STARD3NL: variants seen among roughly 807,000 people sequenced by gnomAD.
STARD3NL encodes the protein STARD3 N-terminal-like protein.
STARD3NL carries 17 observed loss-of-function variants against 30.9 expected under a neutral mutation model. The ratio of observed to expected loss-of-function variants is 0.55; its 90% CI spans 0.38 to 0.82. The LOEUF is 0.82. Among genes scored for constraint, STARD3NL ranks in the 40% least tolerant of loss-of-function variants. The pLI is 0.00. For missense variants in STARD3NL, 234 were observed against 277.6 expected, an observed-to-expected ratio of 0.84 and a Z score of 1.12; for synonymous variants, 112 against 100.5, an observed-to-expected ratio of 1.11 and a Z score of -0.69.
intron 7 of STARD3NL, among the ~76,000 whole-genome samples, chr7:38,224,154 G>A (rs1351359953): frequency 6.6e-6 from 1 of 151,596 alleles, no homozygotes; most frequent in Admixed American, 6.7e-5. Context: ...TTTGTGGCTG[G>A]GTATTATTCC....
At chr7:38,194,723 T>C (rs1212840124) in intron 1 of STARD3NL, among the ~76,000 whole-genome samples, 1 of 152,152 alleles carries the variant, frequency 6.6e-6, no homozygotes, top group African/African-American at 2.4e-5. Context: ...CTCTATAGAG[T>C]TCCTTATTGC....
At chr7:38,205,413 G>A (rs1785405097) in intron 1 of STARD3NL, among the ~76,000 whole-genome samples, 1 of 152,088 alleles carries the variant, frequency 6.6e-6, no homozygotes, top group Non-Finnish European at 1.5e-5. Flanking sequence ...CTGTGTCTGT[G>A]TGTATTCCAT....
chr7:38,183,089 G>C (rs901579957), intron 1 of STARD3NL, among the ~76,000 whole-genome samples: 24 of 152,204 alleles, frequency 1.6e-4, no homozygotes, highest in African/African-American at 5.3e-4. Flanking sequence ...TGTAGAAACT[G>C]AATTTCAAGT....
intron 7 of STARD3NL, among the ~76,000 whole-genome samples, chr7:38,224,163 C>T (rs1786624371): frequency 1.3e-5 from 2 of 151,788 alleles, no homozygotes; most frequent in Non-Finnish European, 2.9e-5. Flanking sequence ...GGGTATTATT[C>T]CATTATATGG....
intron 1 of STARD3NL, among the ~76,000 whole-genome samples, chr7:38,188,463 A>G (rs1784551718): frequency 1.3e-5 from 2 of 152,182 alleles, no homozygotes; most frequent in African/African-American, 4.8e-5. Context: ...CCATGTTTCC[A>G]GCCCTACTTT....
chr7:38,223,176 A>G (rs963181957), intron 7 of STARD3NL, among the ~76,000 whole-genome samples: 1 of 152,236 alleles, frequency 6.6e-6, no homozygotes, highest in Non-Finnish European at 1.5e-5. Context: ...AGGCACCATA[A>G]ACAAAAATGT....
At chr7:38,229,866 G>A (rs1042883612) in intron 8 of STARD3NL, 57 bp from the exon 9 acceptor site, 4 of 94,910 alleles carry the variant, frequency 4.2e-5, no homozygotes, top group African/African-American at 1.5e-4. Flanking sequence ...GGTGACCGTG[G>A]CATTTTGCCT....
rs574288191 is a variant in STARD3NL, at chr7:38,210,635, G to C, written c.225+2906G>C. ...TTGAGTAGACTGATTTCCCAAGTTG[G>C]ATCTGGAATTAATTATGGCTTGCGT... On this transcript the variant is annotated intron_variant, in intron 2 of 8. Coordinates refer to ENST00000009041, the MANE Select transcript of STARD3NL (RefSeq NM_032016.4). Among the ~76,000 whole-genome samples the C allele has an allele frequency of 4.6e-3, 702 of 152,264 alleles. 4 individuals carry two copies. The highest frequency in any genetic ancestry group is 7.4e-3 in the Non-Finnish European group (500 of 68,008).
intron 1 of STARD3NL, among the ~76,000 whole-genome samples, chr7:38,204,842 A>G (rs1348942570): frequency 1.3e-5 from 2 of 152,116 alleles, no homozygotes; most frequent in Non-Finnish European, 2.9e-5. Flanking sequence ...CTACCATCAG[A>G]GAATACTATA....
chr7:38,214,475 G>GCCTTTTGGGTCAGTTTT, intron 3 of STARD3NL, 41 bp downstream of exon 3: 2 of 1,312,306 alleles, frequency 1.5e-6, no homozygotes, highest in Non-Finnish European at 2.2e-6. Context: ...TGATAAAACT[G>GCCTTTTGGGTCAGTTTT]ACCCAAAAGG....
chr7:38,191,812 A>C lies in STARD3NL; in HGVS notation c.-59+13392A>C, dbSNP rs145682419. On this transcript the variant is annotated intron_variant, in intron 1 of 8. Transcript: ENST00000009041. The stretch of plus-strand genomic sequence containing the variant: ...GCTTTGTGGAGTCTTTAAGCTAGGT[A>C]ATGTGTCTTCTATTTTTGTTCTTTT... 3.1e-3 allele frequency among the ~76,000 whole-genome samples: 468 copies of C among 152,176 alleles called. 2 individuals carry two copies. The highest frequency in any genetic ancestry group is 0.01 in the Middle Eastern group (3 of 294).
chr7:38,186,081 C>T (rs35997004), intron 1 of STARD3NL, among the ~76,000 whole-genome samples: 64,496 of 151,966 alleles, frequency 0.42, 14,052 homozygotes, highest in East Asian at 0.5. Context: ...GGGACCTTCA[C>T]CTGTCTAGAT....
chr7:38,190,015 A>T (rs905980030), intron 1 of STARD3NL, among the ~76,000 whole-genome samples: 1 of 152,132 alleles, frequency 6.6e-6, no homozygotes. Context: ...TTGCCATGAA[A>T]ATTTGCCTTT....
chr7:38,227,537 G>A (rs1786840410), intron 7 of STARD3NL, among the ~76,000 whole-genome samples: 1 of 150,886 alleles, frequency 6.6e-6, no homozygotes, highest in African/African-American at 2.4e-5. Context: ...TCTCCTTAGG[G>A]AAAAAAAAAT....
intron 4 of STARD3NL, chr7:38,216,124 TG>T (rs1229072564): frequency 2.6e-5 from 4 of 152,204 alleles, no homozygotes; most frequent in Non-Finnish European, 5.9e-5. Context: ...CCCTTTGGGA[TG>T]TTGTATTCCT....
rs1294676347 is a variant in STARD3NL at position 38,207,646 on chromosome 7, A to G, written c.142A>G (p.Ile48Val). The change falls in exon 2 of 9, where the codon ATA becomes GTA. Residue 48 changes from isoleucine to valine, a missense_variant. Ile to Val is a conservative substitution (Grantham distance 29). Transcript: ENST00000009041. ...CTATGAAGGAAGGGAAAAGAAAGGC[A>G]TATCTGATGTCAGGAGGACTTTCTG... Reference protein sequence around the residue: ...ESYEGREKKGISDVRRTFCLF... With the variant: ...ESYEGREKKGVSDVRRTFCLF... 1 of 1,614,020 alleles carries G rather than the reference A, an allele frequency of 6.2e-7. No individual in the cohort carries two copies. Among genetic ancestry groups the G allele is most frequent in the East Asian group, 2.2e-5 (1 of 44,896 alleles).
intron 1 of STARD3NL, among the ~76,000 whole-genome samples, chr7:38,197,198 C>CTTTCTT: frequency 2.9e-4 from 9 of 30,712 alleles, no homozygotes; most frequent in Admixed American, 2.0e-3. Flanking sequence ...CTTTCTTTTT[C>CTTTCTT]TCTCTCTCTC....
At chr7:38,188,774 A>G (rs1212543943) in intron 1 of STARD3NL, among the ~76,000 whole-genome samples, 1 of 152,222 alleles carries the variant, frequency 6.6e-6, no homozygotes, top group Non-Finnish European at 1.5e-5. Context: ...CTTAATATTT[A>G]TCTCTGCATT....
At chr7:38,224,480 T>C (rs1051346794) in intron 7 of STARD3NL, among the ~76,000 whole-genome samples, 2 of 152,248 alleles carry the variant, frequency 1.3e-5, no homozygotes, top group Non-Finnish European at 2.9e-5. Context: ...AATTGAGGTC[T>C]GAAAATATTA....
Sources: allele counts gnomAD v4.1 joint callset (sites outside exome capture counted in the v4.1 genomes callset), GRCh38; gene constraint gnomAD v4.1.1; transcripts MANE v1.5; gene names NCBI Gene and HGNC (gene_info 2026-07-23, HGNC 2026-07-21).